Variants in NFATC1 observed in about 807,000 individuals in gnomAD.
The protein encoded by NFATC1 is nuclear factor of activated T-cells, cytoplasmic 1.
Under a neutral mutation model 76.0 loss-of-function variants are expected in NFATC1, and 22 were observed. That is an observed-to-expected ratio of 0.29 (90% CI 0.21 to 0.41). The LOEUF is 0.41. Ranked by LOEUF, NFATC1 falls within the 10% of genes least tolerant of loss-of-function variation. The pLI, the probability that NFATC1 is intolerant of heterozygous loss-of-function variation, is 1.00. For synonymous variants in NFATC1, 704 were observed against 613.1 expected, an observed-to-expected ratio of 1.15 and a Z score of -2.19; for missense variants, 1,357 against 1,337.7, an observed-to-expected ratio of 1.01 and a Z score of -0.23.
chr18:79,426,263 C>A (rs1383959963), intron 2 of NFATC1, among the ~76,000 whole-genome samples: 2 of 151,698 alleles, frequency 1.3e-5, no homozygotes, highest in African/African-American at 4.8e-5. Flanking sequence ...CCCCCTCTGT[C>A]CCAGCGCAGA....
chr18:79,440,968 G>A (rs2086951928), intron 3 of NFATC1, among the ~76,000 whole-genome samples: 1 of 152,206 alleles, frequency 6.6e-6, no homozygotes, highest in Non-Finnish European at 1.5e-5. Context: ...GGCTGGGCTC[G>A]TGTCCGTGGA....
intron 1 of NFATC1, among the ~76,000 whole-genome samples, chr18:79,401,265 C>T (rs2085242504): frequency 6.6e-6 from 1 of 151,922 alleles, no homozygotes; most frequent in Non-Finnish European, 1.5e-5. Context: ...GCCCTCCCCG[C>T]GCGGAGGTGA....
At chr18:79,490,785 G>C (rs1344775265) in intron 9 of NFATC1, among the ~76,000 whole-genome samples, 1 of 152,140 alleles carries the variant, frequency 6.6e-6, no homozygotes, top group Non-Finnish European at 1.5e-5. Context: ...CCCGGGTCAG[G>C]GTTGAGTCTG....
chr18:79,413,993 A>C (rs1286591103), intron 2 of NFATC1, among the ~76,000 whole-genome samples: 1 of 152,170 alleles, frequency 6.6e-6, no homozygotes, highest in African/African-American at 2.4e-5. Flanking sequence ...AATATGTCCC[A>C]AACTCGCTCC....
intron 2 of NFATC1, among the ~76,000 whole-genome samples, chr18:79,431,024 A>G (rs1241191097): frequency 6.6e-6 from 1 of 152,154 alleles, no homozygotes; most frequent in Admixed American, 6.5e-5. Flanking sequence ...CACGTGGGAA[A>G]CAGCTCTGAC....
chr18:79,401,383 T>A (rs2085249610), intron 1 of NFATC1, among the ~76,000 whole-genome samples: 1 of 152,160 alleles, frequency 6.6e-6, no homozygotes, highest in Non-Finnish European at 1.5e-5. Context: ...CTTGATCATT[T>A]TTTGAAAATA....
At chr18:79,451,974 C>A in intron 6 of NFATC1, 158 bp downstream of exon 6, 1 of 849,898 alleles carries the variant, frequency 1.2e-6, no homozygotes. Context: ...GTGTCTGCAT[C>A]CGGCTGTGGG....
At chr18:79,424,903 A>T (rs146914252) in intron 2 of NFATC1, among the ~76,000 whole-genome samples, 2 of 73,282 alleles carry the variant, frequency 2.7e-5, no homozygotes, top group African/African-American at 4.9e-5. Flanking sequence ...CTGTTTCTCC[A>T]TTTCTCTGTC....
intron 1 of NFATC1, among the ~76,000 whole-genome samples, chr18:79,399,796 C>T (rs1280714078): frequency 6.6e-6 from 1 of 152,072 alleles, no homozygotes; most frequent in African/African-American, 2.4e-5. Flanking sequence ...CGCCACGAAC[C>T]CAGCGGGAAT....
chr18:79,492,708 C>CAA (rs71338048), intron 9 of NFATC1, among the ~76,000 whole-genome samples: 7,828 of 118,766 alleles, frequency 0.066, 345 homozygotes, highest in Admixed American at 0.098. Context: ...GACTCCATCT[C>CAA]AAAAAAAAAA....
chr18:79,489,005 G>A (rs1444048659), intron 9 of NFATC1, among the ~76,000 whole-genome samples: 1 of 152,218 alleles, frequency 6.6e-6, no homozygotes, highest in Non-Finnish European at 1.5e-5. Context: ...CGTGTTCTGC[G>A]TCAACACAGC....
rs138379111 is a variant in NFATC1, at chr18:79,467,204, G to A, written c.1960-246G>A. On this transcript the variant is annotated intron_variant, in intron 7 of 9. Coordinates refer to ENST00000427363, the MANE Select transcript of NFATC1 (RefSeq NM_001278669.2). ...GCGTGCGTGTCCACACGCGTGTGCA[G>A]GTGGCACAGAGCATCCAGGGCTGTC... is the stretch of plus-strand genomic sequence containing the variant. 5.1e-3 allele frequency among the ~76,000 whole-genome samples: 773 copies of A among 152,352 alleles called. 13 individuals are homozygous for A. Among genetic ancestry groups the A allele is most frequent in the African/African-American group, 0.017 (717 of 41,562 alleles).
At chr18:79,420,058 C>T (rs1168072318) in intron 2 of NFATC1, among the ~76,000 whole-genome samples, 1 of 152,330 alleles carries the variant, frequency 6.6e-6, no homozygotes, top group Admixed American at 6.5e-5. Flanking sequence ...CCACACCGGA[C>T]GCCGTGTGCA....
chr18:79,435,831 G>A (rs537882208), intron 3 of NFATC1, among the ~76,000 whole-genome samples: 11 of 152,332 alleles, frequency 7.2e-5, no homozygotes, highest in African/African-American at 2.2e-4. Flanking sequence ...CTGGCTCTGC[G>A]TTTCCACAGA....
intron 2 of NFATC1, among the ~76,000 whole-genome samples, chr18:79,423,943 C>A (rs924617737): frequency 5.9e-5 from 9 of 152,192 alleles, no homozygotes; most frequent in Non-Finnish European, 1.3e-4. Flanking sequence ...CTCTGGGTGA[C>A]CCTCCAGGGT....
intron 7 of NFATC1, among the ~76,000 whole-genome samples, chr18:79,467,111 G>A (rs1010097230): frequency 4.3e-4 from 65 of 152,380 alleles, no homozygotes; most frequent in Non-Finnish European, 5.1e-4. Context: ...CTTGTCTGCT[G>A]TGCTGCTCTG....
chr18:79,506,327 C>T (rs1476439585), intron 9 of NFATC1, among the ~76,000 whole-genome samples: 1 of 152,138 alleles, frequency 6.6e-6, no homozygotes, highest in South Asian at 2.1e-4. Context: ...TCCTGAGCTT[C>T]CCCAGCAAAG....
intron 9 of NFATC1, among the ~76,000 whole-genome samples, chr18:79,494,260 C>T (rs1470875162): frequency 2.0e-5 from 3 of 148,452 alleles, no homozygotes; most frequent in African/African-American, 4.9e-5. Flanking sequence ...CGGGCACACG[C>T]CCCCCATGAA....
chr18:79,397,135 GCCCGTCCCCGGCACACAC>G (rs1165006120), intron 1 of NFATC1, among the ~76,000 whole-genome samples: 1 of 152,188 alleles, frequency 6.6e-6, no homozygotes, highest in African/African-American at 2.4e-5. Flanking sequence ...CCCCACCTTA[GCCCGTCCCCGGCACACAC>G]CCCTGGCGAT....
Sources: allele counts gnomAD v4.1 joint callset (sites outside exome capture counted in the v4.1 genomes callset), GRCh38; gene constraint gnomAD v4.1.1; transcripts MANE v1.5; gene names NCBI Gene and HGNC (gene_info 2026-07-23, HGNC 2026-07-21).